Variants in DOCK1 observed in about 807,000 individuals in gnomAD.
DOCK1 encodes dedicator of cytokinesis 1.
A neutral mutation model predicts 262.7 loss-of-function variants in DOCK1; 138 were observed. The observed-to-expected ratio is 0.53, with a 90% CI of 0.46 to 0.61. DOCK1 has a LOEUF of 0.61. Ranked by LOEUF, DOCK1 falls within the 20% of genes least tolerant of loss-of-function variation. The probability of loss-of-function intolerance (pLI) is 0.00; values close to 1 mark genes in which losing one functional copy is unlikely to be tolerated. For missense variants in DOCK1, 1,908 were observed against 2,370.7 expected (o/e 0.80, Z 4.05); for synonymous variants, 866 against 867.4 (o/e 1.00, Z 0.03).
At chr10:126,957,787 T>C (rs2036869161) in intron 1 of DOCK1, among the ~76,000 whole-genome samples, 1 of 152,200 alleles carries the variant, frequency 6.6e-6, no homozygotes, top group Non-Finnish European at 1.5e-5. Flanking sequence ...ACTGCAGCCT[T>C]ATTTATAATA....
rs139473657 is a variant in DOCK1 at position 127,304,248 on chromosome 10, G to A, written c.3045-34758G>A. Among the ~76,000 whole-genome samples, 664 of 152,238 alleles carry A rather than the reference G, an allele frequency of 4.4e-3. 2 individuals carry two copies. The highest frequency in any genetic ancestry group is 6.8e-3 in the Middle Eastern group (2 of 294). On this transcript the variant is annotated intron_variant, in intron 29 of 51. Coordinates refer to ENST00000623213, the MANE Select transcript of DOCK1 (RefSeq NM_001290223.2). ...AACCTCTTCCATCATTGACAAGTGA[G>A]CCCAAACCATGCCATTCCAGGAGTG... is the stretch of plus-strand genomic sequence containing the variant.
intron 27 of DOCK1, among the ~76,000 whole-genome samples, chr10:127,183,544 A>C (rs2055937875): frequency 6.6e-6 from 1 of 152,198 alleles, no homozygotes; most frequent in South Asian, 2.1e-4. Context: ...ATGTAGAGAA[A>C]ATAACCTGCA....
intron 29 of DOCK1, among the ~76,000 whole-genome samples, chr10:127,333,220 G>A (rs1051391164): frequency 3.3e-5 from 5 of 152,182 alleles, no homozygotes; most frequent in Admixed American, 1.3e-4. Context: ...AGCTAATTAT[G>A]TAACTTAAAG....
chr10:127,110,604 T>A (rs892186978), intron 25 of DOCK1, among the ~76,000 whole-genome samples: 2 of 152,216 alleles, frequency 1.3e-5, no homozygotes, highest in Non-Finnish European at 2.9e-5. Context: ...AGTCCTAGGG[T>A]AATCAGCATA....
Position 127,355,837 on chromosome 10 carries a change from C to T in DOCK1, c.3283+1110C>T, listed in dbSNP as rs138055947. Among the ~76,000 whole-genome samples the T allele has an allele frequency of 5.9e-3, 903 of 152,330 alleles. 8 individuals are homozygous for T. The highest frequency in any genetic ancestry group is 0.021 in the African/African-American group (860 of 41,572). On this transcript the variant is annotated intron_variant, in intron 32 of 51. Coordinates refer to ENST00000623213, the MANE Select transcript of DOCK1 (RefSeq NM_001290223.2). ...GAAAGAAGCAGAACCCAGCGAGCCA[C>T]GCTTCACTTCTAGCTCACTGTTTGC...
intron 44 of DOCK1, among the ~76,000 whole-genome samples, chr10:127,417,834 C>T (rs2068252963): frequency 6.6e-6 from 1 of 152,102 alleles, no homozygotes; most frequent in Admixed American, 6.5e-5. Context: ...CCTCAGCCTC[C>T]CAAAGTGCTA....
At chr10:127,268,690 A>G (rs1247013293) in intron 29 of DOCK1, among the ~76,000 whole-genome samples, 1 of 151,984 alleles carries the variant, frequency 6.6e-6, no homozygotes, top group African/African-American at 2.4e-5. Flanking sequence ...GTCTTCACTT[A>G]TTAGGGGGGT....
At chr10:127,330,119 AAC>A (rs2062913248) in intron 29 of DOCK1, among the ~76,000 whole-genome samples, 1 of 152,186 alleles carries the variant, frequency 6.6e-6, no homozygotes, top group South Asian at 2.1e-4. Context: ...CTTTTCAATC[AAC>A]ACATTTTATT....
At chr10:127,216,676 G>T (rs1302343971) in intron 27 of DOCK1, among the ~76,000 whole-genome samples, 4 of 151,986 alleles carry the variant, frequency 2.6e-5, no homozygotes, top group African/African-American at 9.7e-5. Flanking sequence ...CATCCCAACC[G>T]CCCCAGAGCT....
At chr10:127,319,474 T>C (rs114702827) in intron 29 of DOCK1, among the ~76,000 whole-genome samples, 1,720 of 152,284 alleles carry the variant, frequency 0.011, 34 homozygotes, top group African/African-American at 0.039. Flanking sequence ...TGTTTATGGG[T>C]AATAAATCAC....
intron 29 of DOCK1, among the ~76,000 whole-genome samples, chr10:127,322,868 A>G (rs1384725088): frequency 6.6e-6 from 1 of 152,246 alleles, no homozygotes; most frequent in East Asian, 1.9e-4. Context: ...CCTTGACTAG[A>G]CTGTCAAGAA....
chr10:127,431,686 C>T (rs551425291), intron 47 of DOCK1, among the ~76,000 whole-genome samples: 4 of 152,312 alleles, frequency 2.6e-5, no homozygotes, highest in Middle Eastern at 3.4e-3. Context: ...TGGCCCCTGG[C>T]GTGGTTGTGT....
At position 127,100,263 on chromosome 10, in the gene DOCK1, C is replaced by T. The variant is rs11592856; in HGVS notation, c.2446-5968C>T. Reference sequence around the variant, plus strand: ...AGCAAAGCCAATGGGAGGCAGTAGCCGTGCGGCCCAGGTGCTGTTTGTTCC... The same window carrying T: ...AGCAAAGCCAATGGGAGGCAGTAGCTGTGCGGCCCAGGTGCTGTTTGTTCC... On this transcript the variant is annotated intron_variant, in intron 23 of 51. Coordinates refer to ENST00000623213, the MANE Select transcript of DOCK1 (RefSeq NM_001290223.2). The surrounding 1 kb of genome is among the most constrained non-coding windows in gnomAD (Gnocchi z 5.5). 6.6e-6 allele frequency among the ~76,000 whole-genome samples: 1 copy of T among 151,984 alleles called. No homozygotes were observed. Among genetic ancestry groups the T allele is most frequent in the Non-Finnish European group, 1.5e-5 (1 of 67,980 alleles).
chr10:127,071,500 C>A (rs900479957), intron 23 of DOCK1, among the ~76,000 whole-genome samples: 1 of 152,200 alleles, frequency 6.6e-6, no homozygotes, highest in African/African-American at 2.4e-5. Flanking sequence ...CTTCAGCAAA[C>A]CAAGTATTTC....
intron 1 of DOCK1, among the ~76,000 whole-genome samples, chr10:126,906,563 A>G (rs1459014325): frequency 1.3e-5 from 2 of 152,036 alleles, no homozygotes; most frequent in Non-Finnish European, 2.9e-5. Flanking sequence ...CATCCAGGCC[A>G]CTCGACCCGA....
chr10:127,394,373 GT>G (rs2066693245), intron 38 of DOCK1, among the ~76,000 whole-genome samples: 1 of 120,170 alleles, frequency 8.3e-6, no homozygotes, highest in Non-Finnish European at 1.8e-5. Flanking sequence ...AAAAAAAAGC[GT>G]TTTACATCAT....
At chr10:127,217,056 A>G (rs1003564087) in intron 27 of DOCK1, among the ~76,000 whole-genome samples, 2 of 152,158 alleles carry the variant, frequency 1.3e-5, no homozygotes, top group Non-Finnish European at 2.9e-5. Flanking sequence ...GGGAGAGGGA[A>G]GGAAAGGAGG....
At chr10:127,445,726 A>C (rs2070495840) in intron 50 of DOCK1, among the ~76,000 whole-genome samples, 1 of 152,222 alleles carries the variant, frequency 6.6e-6, no homozygotes, top group South Asian at 2.1e-4. Context: ...AGTATTTTTC[A>C]AGAGCCAGTA....
chr10:126,919,952 G>A (rs772487488), intron 1 of DOCK1, among the ~76,000 whole-genome samples: 6 of 152,182 alleles, frequency 3.9e-5, no homozygotes, highest in Non-Finnish European at 8.8e-5. Context: ...TGTTGGTGGG[G>A]AGTTACGTCT....
Sources: allele counts gnomAD v4.1 joint callset (sites outside exome capture counted in the v4.1 genomes callset), GRCh38; gene constraint gnomAD v4.1.1; non-coding constraint Gnocchi (gnomAD v3.1); transcripts MANE v1.5; gene names NCBI Gene and HGNC (gene_info 2026-07-23, HGNC 2026-07-21).